JAKMIP1: variants seen among roughly 807,000 people sequenced by gnomAD.
JAKMIP1 encodes janus kinase and microtubule-interacting protein 1.
In JAKMIP1, 33 loss-of-function variants were observed where a neutral mutation model predicts 113.0. That is an observed-to-expected ratio of 0.29 (90% CI 0.22 to 0.39). The LOEUF is 0.39. Ranked by LOEUF, JAKMIP1 falls within the 10% of genes least tolerant of loss-of-function variation. The probability of loss-of-function intolerance (pLI) is 1.00; values close to 1 mark genes in which losing one functional copy is unlikely to be tolerated. For missense variants in JAKMIP1, 813 were observed against 1,080.5 expected (o/e 0.75, Z 3.47); for synonymous variants, 480 against 459.9 (o/e 1.04, Z -0.56).
At chr4:6,054,765 A>T (rs1420346811) in intron 12 of JAKMIP1, 2 of 456,626 alleles carry the variant, frequency 4.4e-6, no homozygotes, top group African/African-American at 4.0e-5. Flanking sequence ...CCAAGAAGGG[A>T]AACAGCAGCA....
At chr4:6,128,586 G>T (rs1219662375) in intron 1 of JAKMIP1, among the ~76,000 whole-genome samples, 1 of 152,150 alleles carries the variant, frequency 6.6e-6, no homozygotes, top group East Asian at 1.9e-4. Flanking sequence ...CGGATCCATT[G>T]TCTGCCTGAC....
chr4:6,131,222 A>T (rs1365537639), intron 1 of JAKMIP1, among the ~76,000 whole-genome samples: 2 of 151,282 alleles, frequency 1.3e-5, no homozygotes, highest in Non-Finnish European at 2.9e-5. Context: ...ACACATATAT[A>T]AAAAAAAGAA....
At chr4:6,043,060 G>A (rs539212621) in intron 16 of JAKMIP1, among the ~76,000 whole-genome samples, 1 of 152,168 alleles carries the variant, frequency 6.6e-6, no homozygotes, top group African/African-American at 2.4e-5. Flanking sequence ...AGCACAGGGT[G>A]GCTGCCCTGT....
chr4:6,063,104 C>T (rs900931254), intron 9 of JAKMIP1, among the ~76,000 whole-genome samples: 8 of 151,890 alleles, frequency 5.3e-5, no homozygotes, highest in Non-Finnish European at 7.4e-5. Flanking sequence ...ATCATGCCAC[C>T]GCACTCTAGC....
Position 6,093,633 on chromosome 4 carries a change from G to A in JAKMIP1, c.625-8004C>T, listed in dbSNP as rs898003315. ...AACAGTCACCTCATAAAGGTCAGCA[G>A]TCTCTTGAAGTTCAGGGTCCTGAAC... On this transcript the variant is annotated intron_variant, in intron 3 of 20. Coordinates refer to ENST00000409021, the MANE Select transcript of JAKMIP1 (RefSeq NM_001099433.2). This position sits in a 1 kb window ranked among gnomAD's most constrained non-coding sequence, Gnocchi z 4.6. 1.3e-5 allele frequency among the ~76,000 whole-genome samples: 2 copies of A among 152,192 alleles called. No homozygotes were observed. Among genetic ancestry groups the A allele is most frequent in the African/African-American group, 4.8e-5 (2 of 41,462 alleles).
chr4:6,140,023 G>A lies in JAKMIP1; in HGVS notation c.-147-27026C>T, dbSNP rs1318216768. On this transcript the variant is annotated intron_variant, in intron 1 of 20. Transcript: ENST00000409021. This position sits in a 1 kb window ranked among gnomAD's most constrained non-coding sequence, Gnocchi z 9.4. ...AGACTTCCAGCCTCCAGAACTAAGA[G>A]ACCATCCGTTTGTCTTGTGTATTCC... 5.3e-5 allele frequency among the ~76,000 whole-genome samples: 8 copies of A among 152,036 alleles called. No individual in the cohort carries two copies. Among genetic ancestry groups the A allele is most frequent in the Non-Finnish European group, 1.5e-5 (1 of 68,030 alleles).
Position 6,059,519 on chromosome 4 carries a change from A to G in JAKMIP1, c.1644+905T>C, listed in dbSNP as rs11942860. ...CCCCCATAGATGCCTCTCTGCAGGC[A>G]GGGGTGGGGGCCACCAGACACTCCG... On this transcript the variant is annotated intron_variant, in intron 11 of 20. Transcript: ENST00000409021. The surrounding 1 kb of genome is among the most constrained non-coding windows in gnomAD (Gnocchi z 4.8). 0.25 allele frequency among the ~76,000 whole-genome samples: 38,200 copies of G among 151,910 alleles called. 6,844 individuals are homozygous for G. The highest frequency in any genetic ancestry group is 0.51 in the African/African-American group (21,100 of 41,352).
At chr4:6,170,217 T>C (rs1724270168) in intron 1 of JAKMIP1, among the ~76,000 whole-genome samples, 1 of 121,304 alleles carries the variant, frequency 8.2e-6, no homozygotes, top group African/African-American at 3.3e-5. Context: ...GTCAAGACCA[T>C]CATAATGCTC....
intron 18 of JAKMIP1, among the ~76,000 whole-genome samples, chr4:6,037,984 C>T (rs867078693): frequency 7.7e-6 from 1 of 129,642 alleles, no homozygotes; most frequent in Non-Finnish European, 1.6e-5. Flanking sequence ...AGAGGCTAAC[C>T]AGTAGCCCTC....
rs1028779401 is a variant in JAKMIP1, at chr4:6,187,026, C to G, written c.-148+13227G>C. Among the ~76,000 whole-genome samples the G allele has an allele frequency of 3.9e-5, 6 of 152,010 alleles. No homozygotes were observed. Among genetic ancestry groups the G allele is most frequent in the African/African-American group, 1.4e-4 (6 of 41,392 alleles). On this transcript the variant is annotated intron_variant, in intron 1 of 20. Coordinates refer to ENST00000409021, the MANE Select transcript of JAKMIP1 (RefSeq NM_001099433.2). The surrounding 1 kb of genome is among the most constrained non-coding windows in gnomAD (Gnocchi z 4.2). ...TATTTTTTTTGTAGAGACAGAGTTT[C>G]ATCATGTTATCCAGGCTGGTCTCAA... is the stretch of plus-strand genomic sequence containing the variant.
chr4:6,069,161 G>A lies in JAKMIP1; in HGVS notation c.1303-4153C>T, dbSNP rs1000580803. On this transcript the variant is annotated intron_variant, in intron 8 of 20. Coordinates refer to ENST00000409021, the MANE Select transcript of JAKMIP1 (RefSeq NM_001099433.2). The surrounding 1 kb of genome is among the most constrained non-coding windows in gnomAD (Gnocchi z 4.5). ...AAATAATTCACCACCTGCTTCTCAA[G>A]AGATGAGGGGAGAACCGCCCAGAAA... Among the ~76,000 whole-genome samples, 7 of 152,106 alleles carry A rather than the reference G, an allele frequency of 4.6e-5. No individual in the cohort carries two copies. Among genetic ancestry groups the A allele is most frequent in the Middle Eastern group, 3.2e-3 (1 of 316 alleles).
Position 6,105,706 on chromosome 4 carries a change from C to T in JAKMIP1, c.391G>A (p.Ala131Thr), listed in dbSNP as rs750499928. 1.3e-5 allele frequency: 21 copies of T among 1,602,274 alleles called. No individual in the cohort carries two copies. The highest frequency in any genetic ancestry group is 2.2e-5 in the South Asian group (2 of 90,534). ...RDGAADKVKTALLTEAREEAR... is the reference protein window; with the variant it reads ...RDGAADKVKTTLLTEAREEAR... ...TCCTCGCGCGCCTCGGTCAGCAGCG[C>T]CGTCTTGACCTTGTCGGCCGCGCCG... Residue 131 changes from alanine (A) to threonine (T), a missense_variant, in exon 3 of 21, where the codon GCG becomes ACG. Physicochemically the swap from Ala to Thr is moderately conservative, Grantham distance 58 (BLOSUM62 0). This residue lies in a region of JAKMIP1 where 540 missense variants were observed against 653.9 expected (regional missense o/e 0.83). Coordinates refer to ENST00000409021, the MANE Select transcript of JAKMIP1 (RefSeq NM_001099433.2).
In JAKMIP1 at chr4:6,143,110, C is replaced by A. The variant is rs967635996; in HGVS notation, c.-147-30113G>T. ...GAGCAAGTTTCTCAGCCTCTCTGAG[C>A]CTCTGCCACCCACCTATTAAGCAGA... On this transcript the variant is annotated intron_variant, in intron 1 of 20. Coordinates refer to ENST00000409021, the MANE Select transcript of JAKMIP1 (RefSeq NM_001099433.2). This position sits in a 1 kb window ranked among gnomAD's most constrained non-coding sequence, Gnocchi z 4.9. Among the ~76,000 whole-genome samples the A allele has an allele frequency of 6.6e-6, 1 of 152,228 alleles. No homozygotes were observed. Among genetic ancestry groups the A allele is most frequent in the Admixed American group, 6.5e-5 (1 of 15,278 alleles).
chr4:6,169,270 G>A lies in JAKMIP1; in HGVS notation c.-148+30983C>T, dbSNP rs562521511. Among the ~76,000 whole-genome samples, 6 of 152,298 alleles carry A rather than the reference G, an allele frequency of 3.9e-5. No homozygotes were observed. In the South Asian group the frequency reaches 1.2e-3, roughly 32 times the overall value. On this transcript the variant is annotated intron_variant, in intron 1 of 20. Transcript: ENST00000409021. Reference sequence around the variant, plus strand: ...TAAGTAGGGTTCCTGCAGGTGTCATGAGTTAGGAGGAGGCCATGATGGACT... The same window carrying A: ...TAAGTAGGGTTCCTGCAGGTGTCATAAGTTAGGAGGAGGCCATGATGGACT...
rs1282191135 is a variant in JAKMIP1 at position 6,180,402 on chromosome 4, C to T, written c.-148+19851G>A. ...CTTATTGAGATTTTCACTATAAAAT[C>T]TTATCAGCTGCTGAACAGGAGAGAA... is the stretch of plus-strand genomic sequence containing the variant. On this transcript the variant is annotated intron_variant, in intron 1 of 20. Coordinates refer to ENST00000409021, the MANE Select transcript of JAKMIP1 (RefSeq NM_001099433.2). The surrounding 1 kb of genome is among the most constrained non-coding windows in gnomAD (Gnocchi z 4.5). Among the ~76,000 whole-genome samples the T allele has an allele frequency of 6.6e-6, 1 of 152,152 alleles. No homozygotes were observed. Among genetic ancestry groups the T allele is most frequent in the Non-Finnish European group, 1.5e-5 (1 of 68,038 alleles).
At chr4:6,191,490 C>T (rs371764448) in intron 1 of JAKMIP1, among the ~76,000 whole-genome samples, 18 of 152,372 alleles carry the variant, frequency 1.2e-4, no homozygotes, top group African/African-American at 2.2e-4. Flanking sequence ...CCCAGATCCT[C>T]GCAGCGCACA....
At position 6,158,206 on chromosome 4, in the gene JAKMIP1, A is replaced by C. The variant is rs886325467; in HGVS notation, c.-148+42047T>G. On this transcript the variant is annotated intron_variant, in intron 1 of 20. Coordinates refer to ENST00000409021, the MANE Select transcript of JAKMIP1 (RefSeq NM_001099433.2). The surrounding 1 kb of genome is among the most constrained non-coding windows in gnomAD (Gnocchi z 5.3). ...GACCATGCTGTAGGTCATGCAGTGC[A>C]CGCTCCATACATCCCAACTTTGCCC... Among the ~76,000 whole-genome samples, 4 of 152,202 alleles carry C rather than the reference A, an allele frequency of 2.6e-5. No homozygotes were observed. Among genetic ancestry groups the C allele is most frequent in the African/African-American group, 9.6e-5 (4 of 41,458 alleles).
Position 6,141,005 on chromosome 4 carries a change from T to C in JAKMIP1, c.-147-28008A>G, listed in dbSNP as rs939412431. 3.3e-5 allele frequency among the ~76,000 whole-genome samples: 5 copies of C among 152,178 alleles called. No homozygotes were observed. Among genetic ancestry groups the C allele is most frequent in the Admixed American group, 6.5e-5 (1 of 15,286 alleles). On this transcript the variant is annotated intron_variant, in intron 1 of 20. Transcript: ENST00000409021. The surrounding 1 kb of genome is among the most constrained non-coding windows in gnomAD (Gnocchi z 9.4). ...CTGGGTGACGGCAGAGCCAGCCCTG[T>C]GGGCCAGGCATCTGGGACCTGTAAC...
intron 8 of JAKMIP1, among the ~76,000 whole-genome samples, chr4:6,071,269 G>A (rs1298332341): frequency 6.6e-6 from 1 of 151,092 alleles, no homozygotes; most frequent in Non-Finnish European, 1.5e-5. Context: ...AGGCAGTGCA[G>A]ACCTGAGACA....
Sources: gnomAD v4.1 joint callset for allele counts (sites outside exome capture counted in the v4.1 genomes callset) on GRCh38, gnomAD v4.1.1 for gene constraint, gnomAD v4.1.1 regional missense constraint, Gnocchi (gnomAD v3.1) non-coding constraint, MANE v1.5 for transcripts, NCBI Gene and HGNC (gene_info 2026-07-23, HGNC 2026-07-21) for gene names.